The following RAP1GAP2 variants were observed in gnomAD, a reference collection of about 807,000 sequenced individuals.
RAP1GAP2 encodes the protein rap1 GTPase-activating protein 2.
Under a neutral mutation model 95.0 loss-of-function variants are expected in RAP1GAP2, and 27 were observed. The observed-to-expected ratio is 0.28, with a 90% CI of 0.21 to 0.39. The LOEUF is 0.39. Among genes scored for constraint, RAP1GAP2 ranks in the 10% least tolerant of loss-of-function variants. RAP1GAP2 has a pLI of 1.00. For missense variants in RAP1GAP2, 771 were observed against 970.0 expected, an observed-to-expected ratio of 0.79 and a Z score of 2.72; for synonymous variants, 373 against 380.9, an observed-to-expected ratio of 0.98 and a Z score of 0.24.
chr17:2,933,831 C>G (rs1192230228), intron 3 of RAP1GAP2, among the ~76,000 whole-genome samples: 1 of 152,260 alleles, frequency 6.6e-6, no homozygotes, highest in Non-Finnish European at 1.5e-5. Context: ...CTGGAAGTTT[C>G]AGGTTGAAGA....
intron 2 of RAP1GAP2, among the ~76,000 whole-genome samples, chr17:2,813,846 G>A (rs1382133149): frequency 2.0e-5 from 3 of 151,900 alleles, no homozygotes; most frequent in African/African-American, 4.8e-5. Context: ...GCCTGTAATC[G>A]TAGCTACTCG....
In RAP1GAP2 at chr17:2,991,185, G is replaced by C. The variant is rs1282786258; in HGVS notation, c.814-112G>C. On this transcript the variant is annotated intron_variant, in intron 11 of 24. Transcript: ENST00000254695. ...GAGGGCAGCTATGGTGGATGTGCTG[G>C]GAGACAGGGAGAAAGGAAGAAAGGG... 1.3e-5 allele frequency: 11 copies of C among 843,742 alleles called. No individual in the cohort carries two copies. In the Admixed American group the frequency reaches 2.3e-4, roughly 18 times the overall value. The allele number at this position is 843,742 out of a possible 1,614,324, so 52.3% of individuals were successfully genotyped here. A position where few individuals can be genotyped will look rare whatever the true frequency, so the allele number is the denominator to read the frequency against.
At chr17:2,971,193 A>G (rs1035818598) in intron 8 of RAP1GAP2, among the ~76,000 whole-genome samples, 6 of 152,228 alleles carry the variant, frequency 3.9e-5, no homozygotes, top group Non-Finnish European at 5.9e-5. Context: ...GGATGTATTC[A>G]CTTACAATTT....
chr17:2,812,822 T>C (rs2069829966), intron 2 of RAP1GAP2, among the ~76,000 whole-genome samples: 1 of 151,766 alleles, frequency 6.6e-6, no homozygotes, highest in Non-Finnish European at 1.5e-5. Flanking sequence ...AAACCCTGTC[T>C]CTACTAAAAA....
At chr17:2,783,277 G>A (rs992968484) in intron 1 of RAP1GAP2, among the ~76,000 whole-genome samples, 1 of 152,130 alleles carries the variant, frequency 6.6e-6, no homozygotes, top group Non-Finnish European at 1.5e-5. Flanking sequence ...TAGCCATCTG[G>A]TCCCATTTGG....
intron 3 of RAP1GAP2, among the ~76,000 whole-genome samples, chr17:2,919,098 A>G (rs917803448): frequency 6.6e-6 from 1 of 152,126 alleles, no homozygotes; most frequent in African/African-American, 2.4e-5. Flanking sequence ...TGTGGAATGA[A>G]TAAGGATTGA....
At chr17:2,976,487 GAC>G (rs2045127126) in intron 8 of RAP1GAP2, among the ~76,000 whole-genome samples, 1 of 152,074 alleles carries the variant, frequency 6.6e-6, no homozygotes, top group Non-Finnish European at 1.5e-5. Flanking sequence ...CAAAAGAACT[GAC>G]AAAATATTTA....
At chr17:2,929,960 C>G (rs745773487) in intron 3 of RAP1GAP2, among the ~76,000 whole-genome samples, 1 of 152,208 alleles carries the variant, frequency 6.6e-6, no homozygotes, top group Non-Finnish European at 1.5e-5. Flanking sequence ...TGAGCAGACT[C>G]GTCACTCCCG....
intron 1 of RAP1GAP2, among the ~76,000 whole-genome samples, chr17:2,783,012 G>T (rs758968963): frequency 1.3e-5 from 2 of 152,118 alleles, no homozygotes; most frequent in African/African-American, 4.8e-5. Context: ...GTAAGACTCC[G>T]TCTCAAAACA....
intron 1 of RAP1GAP2, among the ~76,000 whole-genome samples, chr17:2,763,431 C>A (rs748070592): frequency 6.6e-6 from 1 of 152,114 alleles, no homozygotes; most frequent in African/African-American, 2.4e-5. Context: ...TGCGGCAGCT[C>A]ATGCCTGGAA....
At chr17:2,971,513 T>C (rs1597763508) in intron 8 of RAP1GAP2, among the ~76,000 whole-genome samples, 1 of 152,006 alleles carries the variant, frequency 6.6e-6, no homozygotes. Flanking sequence ...GGCAGGAGGG[T>C]CACTTGAGCC....
At chr17:2,939,043 C>T (rs572860244) in intron 3 of RAP1GAP2, among the ~76,000 whole-genome samples, 1 of 152,288 alleles carries the variant, frequency 6.6e-6, no homozygotes, top group African/African-American at 2.4e-5. Context: ...GAAAACGGTT[C>T]CCTATGCCTC....
intron 14 of RAP1GAP2, among the ~76,000 whole-genome samples, chr17:3,000,327 G>A (rs1265039815): frequency 6.6e-6 from 1 of 152,238 alleles, no homozygotes; most frequent in African/African-American, 2.4e-5. Context: ...TTCAAGTGTT[G>A]GTTGAAGCAA....
intron 2 of RAP1GAP2, among the ~76,000 whole-genome samples, chr17:2,874,277 C>T (rs376898959): frequency 6.0e-4 from 91 of 152,274 alleles, no homozygotes; most frequent in African/African-American, 1.9e-3. Flanking sequence ...TGGACATTTG[C>T]ATTTAAATGG....
chr17:2,913,831 G>A (rs1428560376), intron 3 of RAP1GAP2, among the ~76,000 whole-genome samples: 1 of 151,876 alleles, frequency 6.6e-6, no homozygotes, highest in Admixed American at 6.6e-5. Flanking sequence ...AGCAAACAGT[G>A]TTCTGATTTT....
At chr17:2,990,653 C>A (rs2045720076) in intron 11 of RAP1GAP2, among the ~76,000 whole-genome samples, 1 of 152,184 alleles carries the variant, frequency 6.6e-6, no homozygotes, top group South Asian at 2.1e-4. Flanking sequence ...AACTGCTGGA[C>A]TGTTTTCCAC....
chr17:2,882,119 C>CTTTTTT (rs1182195871), intron 2 of RAP1GAP2, among the ~76,000 whole-genome samples: 30 of 131,814 alleles, frequency 2.3e-4, no homozygotes, highest in Non-Finnish European at 3.5e-4. Context: ...TGTGCCTGGC[C>CTTTTTT]TTTTTTTTTT....
rs531899338 is a variant in RAP1GAP2 at position 3,008,467 on chromosome 17, G to A, written c.1494+322G>A. ...GCTGGAGCAAGCCAGGAACATCGGC[G>A]CTTTCACCTGCCTCCTCCTGGGTTG... is the stretch of plus-strand genomic sequence containing the variant. On this transcript the variant is annotated intron_variant, in intron 17 of 24. Transcript: ENST00000254695. The surrounding 1 kb of genome is among the most constrained non-coding windows in gnomAD (Gnocchi z 4.2). Among the ~76,000 whole-genome samples, 1 of 152,298 alleles carries A rather than the reference G, an allele frequency of 6.6e-6. No homozygotes were observed. Among genetic ancestry groups the A allele is most frequent in the Admixed American group, 6.5e-5 (1 of 15,302 alleles).
intron 1 of RAP1GAP2, among the ~76,000 whole-genome samples, chr17:2,786,026 T>C (rs1480325969): frequency 2.6e-5 from 4 of 151,238 alleles, no homozygotes; most frequent in Non-Finnish European, 4.4e-5. Flanking sequence ...CTCAGCCTCC[T>C]GCGTAGCTGG....
Sources: gnomAD v4.1 joint callset for allele counts (sites outside exome capture counted in the v4.1 genomes callset) on GRCh38, gnomAD v4.1.1 for gene constraint, Gnocchi (gnomAD v3.1) non-coding constraint, MANE v1.5 for transcripts, NCBI Gene and HGNC (gene_info 2026-07-23, HGNC 2026-07-21) for gene names.